Variants in C14orf132 observed in about 807,000 individuals in gnomAD.
The protein encoded by C14orf132 is uncharacterized protein C14orf132.
Under a neutral mutation model 5.8 loss-of-function variants are expected in C14orf132, and 6 were observed. That is an observed-to-expected ratio of 1.03 (90% confidence interval 0.57 to 2.04). C14orf132 has a LOEUF of 2.04. C14orf132 is among the 30% of genes most tolerant of loss of function. C14orf132 has a pLI of 0.00. For synonymous variants in C14orf132, 51 were observed against 49.8 expected (o/e 1.02, Z -0.10); for missense variants, 125 against 115.8 (o/e 1.08, Z -0.37).
intron 1 of C14orf132, among the ~76,000 whole-genome samples, chr14:96,064,932 A>G (rs1225135694): frequency 1.3e-5 from 2 of 152,174 alleles, no homozygotes; most frequent in Non-Finnish European, 2.9e-5. Flanking sequence ...GCTCTGTTGA[A>G]CAGGCTTTGC....
At chr14:96,059,646 C>T (rs1426465928) in intron 1 of C14orf132, among the ~76,000 whole-genome samples, 1 of 152,140 alleles carries the variant, frequency 6.6e-6, no homozygotes, top group Non-Finnish European at 1.5e-5. Context: ...TGGGGGGGCC[C>T]TAGCTGGGTT....
intron 1 of C14orf132, among the ~76,000 whole-genome samples, chr14:96,060,658 C>T (rs1252211294): frequency 2.6e-5 from 4 of 152,180 alleles, no homozygotes; most frequent in African/African-American, 9.7e-5. Context: ...CTCAGCCACC[C>T]CCAATTCCCA....
chr14:96,050,672 C>T (rs1391202104), intron 1 of C14orf132, among the ~76,000 whole-genome samples: 1 of 152,078 alleles, frequency 6.6e-6, no homozygotes, highest in East Asian at 1.9e-4. Context: ...TTCTTCAACT[C>T]AGAGAGTCCA....
intron 1 of C14orf132, among the ~76,000 whole-genome samples, chr14:96,059,353 A>C (rs1391277544): frequency 1.3e-5 from 2 of 152,230 alleles, no homozygotes; most frequent in East Asian, 3.8e-4. Flanking sequence ...TAATTTGTGC[A>C]AACAGCTTTG....
At chr14:96,061,738 G>A (rs971546465) in intron 1 of C14orf132, among the ~76,000 whole-genome samples, 6 of 151,762 alleles carry the variant, frequency 4.0e-5, no homozygotes, top group South Asian at 2.1e-4. Context: ...CAGACAGGGC[G>A]GGTCTCTACA....
At chr14:96,074,778 A>G (rs1887812801) in intron 1 of C14orf132, among the ~76,000 whole-genome samples, 1 of 123,498 alleles carries the variant, frequency 8.1e-6, no homozygotes, top group African/African-American at 3.0e-5. Flanking sequence ...TAATGTATGC[A>G]TCCATCCTTT....
intron 1 of C14orf132, among the ~76,000 whole-genome samples, chr14:96,066,761 GTAACA>G (rs1187024364): frequency 6.6e-6 from 1 of 152,014 alleles, no homozygotes; most frequent in African/African-American, 2.4e-5. Flanking sequence ...ATAAGATAAT[GTAACA>G]TAACATAATA....
chr14:96,057,583 A>G (rs1350458871), intron 1 of C14orf132, among the ~76,000 whole-genome samples: 1 of 152,202 alleles, frequency 6.6e-6, no homozygotes, highest in Non-Finnish European at 1.5e-5. Flanking sequence ...ATTGAACCCC[A>G]GTGGCACACA....
intron 1 of C14orf132, among the ~76,000 whole-genome samples, chr14:96,041,973 G>A (rs1301447248): frequency 6.6e-6 from 1 of 152,216 alleles, no homozygotes; most frequent in African/African-American, 2.4e-5. Flanking sequence ...CACGTAGTAG[G>A]TCCTCAAGTA....
At chr14:96,048,960 T>C (rs1441380913) in intron 1 of C14orf132, among the ~76,000 whole-genome samples, 1 of 152,242 alleles carries the variant, frequency 6.6e-6, no homozygotes, top group Non-Finnish European at 1.5e-5. Context: ...AGTCTCGCTC[T>C]GTCATCCAGG....
chr14:96,051,155 A>G (rs1887014883), intron 1 of C14orf132: 1 of 398,556 alleles, frequency 2.5e-6, no homozygotes, highest in African/African-American at 2.1e-5. Flanking sequence ...ACAAGTGAGG[A>G]TGCCAAATCA....
intron 1 of C14orf132, among the ~76,000 whole-genome samples, chr14:96,053,542 T>C (rs962907176): frequency 6.6e-6 from 1 of 152,194 alleles, no homozygotes; most frequent in African/African-American, 2.4e-5. Flanking sequence ...AATGGGACTC[T>C]CCCTGGGCTG....
chr14:96,068,742 C>T (rs1887610992), intron 1 of C14orf132, among the ~76,000 whole-genome samples: 1 of 152,130 alleles, frequency 6.6e-6, no homozygotes, highest in Non-Finnish European at 1.5e-5. Flanking sequence ...ATGTGCTGTG[C>T]TCCAGGGGCT....
At chr14:96,048,980 A>G (rs1255608050) in intron 1 of C14orf132, among the ~76,000 whole-genome samples, 1 of 152,088 alleles carries the variant, frequency 6.6e-6, no homozygotes, top group African/African-American at 2.4e-5. Flanking sequence ...GCTTGAGTGT[A>G]GTGGTATGAT....
At chr14:96,073,654 A>G (rs1887777275) in intron 1 of C14orf132, among the ~76,000 whole-genome samples, 1 of 152,226 alleles carries the variant, frequency 6.6e-6, no homozygotes, top group African/African-American at 2.4e-5. Context: ...AAGCAGAAAT[A>G]CCATTTGACC....
intron 1 of C14orf132, among the ~76,000 whole-genome samples, chr14:96,053,934 C>T (rs1334218723): frequency 1.3e-5 from 2 of 152,216 alleles, no homozygotes; most frequent in Non-Finnish European, 2.9e-5. Context: ...CTGTCTGCCT[C>T]TCCTCTGCAT....
intron 1 of C14orf132, among the ~76,000 whole-genome samples, chr14:96,059,289 A>G (rs1887275265): frequency 6.6e-6 from 1 of 152,210 alleles, no homozygotes; most frequent in South Asian, 2.1e-4. Context: ...TGTCAAAAAA[A>G]CAAAACAAAA....
chr14:96,052,430 C>A (rs1281951937), intron 1 of C14orf132, among the ~76,000 whole-genome samples: 2 of 152,232 alleles, frequency 1.3e-5, no homozygotes, highest in African/African-American at 4.8e-5. Context: ...CAGCTCCAAG[C>A]AGCTCACCAT....
chr14:96,041,697 C>T (rs1886698095), intron 1 of C14orf132, among the ~76,000 whole-genome samples: 1 of 152,244 alleles, frequency 6.6e-6, no homozygotes, highest in South Asian at 2.1e-4. Context: ...GTGACAGTCA[C>T]TGTCTCTCTG....
Sources: allele counts gnomAD v4.1 joint callset (sites outside exome capture counted in the v4.1 genomes callset), GRCh38; gene constraint gnomAD v4.1.1; transcripts MANE v1.5; gene names NCBI Gene and HGNC (gene_info 2026-07-23, HGNC 2026-07-21).